The following EFCAB5 variants were observed in gnomAD, a reference collection of about 807,000 sequenced individuals.
EFCAB5 encodes EF-hand calcium binding domain 5.
A neutral mutation model predicts 167.9 loss-of-function variants in EFCAB5; 131 were observed. The observed-to-expected ratio is 0.78, with a 90% confidence interval of 0.68 to 0.90. The LOEUF (loss-of-function observed/expected upper bound fraction) is 0.90, where lower values mean the gene tolerates loss of function less well. Ranked by LOEUF, EFCAB5 falls within the 40% of genes least tolerant of loss-of-function variation. The pLI is 0.00. For synonymous variants in EFCAB5, 574 were observed against 602.8 expected, an observed-to-expected ratio of 0.95 and a Z score of 0.70; for missense variants, 1,663 against 1,745.2, an observed-to-expected ratio of 0.95 and a Z score of 0.84.
chr17:29,998,656 T>A (rs564535773), intron 6 of EFCAB5, among the ~76,000 whole-genome samples: 1 of 152,260 alleles, frequency 6.6e-6, no homozygotes, highest in African/African-American at 2.4e-5. Flanking sequence ...TATATGAAAA[T>A]TTATATAGCC....
Position 29,941,680 on chromosome 17 carries a change from G to A in EFCAB5, c.-117G>A. The A allele has an allele frequency of 1.2e-6, 1 of 852,580 alleles. No homozygotes were observed. Among genetic ancestry groups the A allele is most frequent in the Admixed American group, 2.7e-5 (1 of 36,700 alleles). The allele number at this position is 852,580 out of a possible 1,614,324, so 52.8% of individuals were successfully genotyped here. On this transcript the variant is annotated 5_prime_UTR_variant, in exon 1 of 23. Transcript: ENST00000394835. ...GTGAGGTGAGGGCAGGAGTGAGGGAGCTTTTTTAACTTCTGGAGTACTTTG... is the reference window on the plus strand; with the variant it reads ...GTGAGGTGAGGGCAGGAGTGAGGGAACTTTTTTAACTTCTGGAGTACTTTG...
chr17:30,057,234 G>C (rs1241221602), intron 12 of EFCAB5, among the ~76,000 whole-genome samples: 1 of 152,066 alleles, frequency 6.6e-6, no homozygotes, highest in Non-Finnish European at 1.5e-5. Flanking sequence ...CTGTTTTTCT[G>C]TGTCACTTTC....
chr17:30,082,471 A>T (rs575246635), intron 17 of EFCAB5, among the ~76,000 whole-genome samples: 2 of 146,236 alleles, frequency 1.4e-5, no homozygotes, highest in African/African-American at 5.1e-5. Context: ...GCTCACTGCA[A>T]CCTCCACCTC....
chr17:29,997,737 C>T (rs557768097), intron 6 of EFCAB5, among the ~76,000 whole-genome samples: 1 of 152,178 alleles, frequency 6.6e-6, no homozygotes, highest in African/African-American at 2.4e-5. Context: ...GAATGTCCTG[C>T]AGAAGGGGGA....
intron 7 of EFCAB5, among the ~76,000 whole-genome samples, chr17:30,010,869 A>G (rs1267079001): frequency 1.3e-5 from 2 of 151,992 alleles, no homozygotes; most frequent in African/African-American, 4.8e-5. Context: ...TTTATTCATG[A>G]AGTCCTTGCC....
chr17:30,077,162 C>G (rs1249067513), intron 14 of EFCAB5, among the ~76,000 whole-genome samples: 2 of 151,964 alleles, frequency 1.3e-5, no homozygotes, highest in Non-Finnish European at 2.9e-5. Flanking sequence ...ATTAGCCAGG[C>G]ATAGTGGTGC....
intron 3 of EFCAB5, among the ~76,000 whole-genome samples, chr17:29,961,447 G>GT (rs2067718258): frequency 6.6e-6 from 1 of 152,016 alleles, no homozygotes; most frequent in African/African-American, 2.4e-5. Flanking sequence ...ATGTACAAAA[G>GT]TTTTTTAATT....
chr17:29,980,985 G>A (rs981493485), intron 4 of EFCAB5, among the ~76,000 whole-genome samples: 1 of 152,012 alleles, frequency 6.6e-6, no homozygotes, highest in Admixed American at 6.6e-5. Context: ...TCTTAAATTT[G>A]TTCATTTCTG....
chr17:30,080,956 T>C lies in EFCAB5; in HGVS notation c.3401T>C (p.Leu1134Pro). ...LRDPHEINIF[L>P]PHEIRFYQGV... ...GATCCCCACGAAATAAACATCTTTC[T>C]ACCTCATGAGATCAGATTCTATCAG... The change falls in exon 17 of 23, where the codon CTA (leucine) becomes CCA (proline). Residue 1134 changes from leucine to proline, a missense_variant. Physicochemically the swap from Leu to Pro is moderately conservative, Grantham distance 98. Coordinates refer to ENST00000394835, the MANE Select transcript of EFCAB5 (RefSeq NM_198529.4). The C allele has an allele frequency of 6.2e-7, 1 of 1,613,066 alleles. No homozygotes were observed. Among genetic ancestry groups the C allele is most frequent in the Middle Eastern group, 1.8e-4 (1 of 5,432 alleles).
At chr17:30,041,215 G>GAAGGAAGGAAGA (rs1469076886) in intron 8 of EFCAB5, among the ~76,000 whole-genome samples, 2 of 151,918 alleles carry the variant, frequency 1.3e-5, no homozygotes, top group African/African-American at 2.4e-5. Context: ...AGGAAAGAAG[G>GAAGGAAGGAAGA]AAGGAAGGAA....
In EFCAB5 at chr17:30,078,313, C is replaced by A; in HGVS notation, c.2836C>A (p.Leu946Ile). Residue 946 changes from leucine (L) to isoleucine (I), a missense_variant, in exon 15 of 23, where the codon CTC (leucine) becomes ATC (isoleucine). Leu to Ile is a conservative substitution (Grantham distance 5). Coordinates refer to ENST00000394835, the MANE Select transcript of EFCAB5 (RefSeq NM_198529.4). ...TTACATAGAATTGGTTGTGTCTGAA[C>A]TCAGGGGCAATGAAGACCAAGTTCT... ...QNYIELVVSE[L>I]RGNEDQVLES... is the part of the protein sequence containing the mutation. 2 of 1,613,946 alleles carry A rather than the reference C, an allele frequency of 1.2e-6. No individual in the cohort carries two copies. The highest frequency in any genetic ancestry group is 1.7e-5 in the Admixed American group (1 of 60,016).
chr17:30,019,548 C>T (rs144141806), intron 7 of EFCAB5, among the ~76,000 whole-genome samples: 2,927 of 151,710 alleles, frequency 0.019, 39 homozygotes, highest in Non-Finnish European at 0.03. Flanking sequence ...CTGGTTCAAG[C>T]AATTCTCCAG....
At chr17:29,943,818 A>G (rs2151517660) in intron 3 of EFCAB5, among the ~76,000 whole-genome samples, 169 bp downstream of exon 3, 1 of 152,280 alleles carries the variant, frequency 6.6e-6, no homozygotes, top group African/African-American at 2.4e-5. Context: ...TTCTAAAAAT[A>G]CAAAAAATTA....
In EFCAB5 at chr17:29,986,680, G is replaced by A. The variant is rs573027392; in HGVS notation, c.768-6485G>A. ...TTTTTTTTTTTTGAGACGGAGTCTC[G>A]CTGTCGCCCAGGCTGGAGTGCAGTG... is the stretch of plus-strand genomic sequence containing the variant. On this transcript the variant is annotated intron_variant, in intron 4 of 22. Coordinates refer to ENST00000394835, the MANE Select transcript of EFCAB5 (RefSeq NM_198529.4). Among the ~76,000 whole-genome samples, 25 of 112,016 alleles carry A rather than the reference G, an allele frequency of 2.2e-4. No homozygotes were observed. The East Asian group carries it at 7.0e-3, about 32-fold the overall frequency. The allele number at this position is 112,016 out of a possible 152,430, so 73.5% of individuals were successfully genotyped here.
Position 30,080,958 on chromosome 17 carries a change from C to T in EFCAB5, c.3403C>T (p.Pro1135Ser). 6.2e-7 allele frequency: 1 copy of T among 1,612,908 alleles called. No individual in the cohort carries two copies. The highest frequency in any genetic ancestry group is 8.5e-7 in the Non-Finnish European group (1 of 1,179,792). ...RDPHEINIFL[P>S]HEIRFYQGVA... is the part of the protein sequence containing the mutation. ...TCCCCACGAAATAAACATCTTTCTA[C>T]CTCATGAGATCAGATTCTATCAGGT... The change falls in exon 17 of 23, where the codon CCT becomes TCT. Residue 1135 changes from proline (P) to serine (S), a missense_variant. Transcript: ENST00000394835.
chr17:29,956,513 C>T (rs529172581), intron 3 of EFCAB5, among the ~76,000 whole-genome samples: 2 of 152,352 alleles, frequency 1.3e-5, no homozygotes, highest in East Asian at 1.9e-4. Context: ...AGTTTGGCTG[C>T]TGTGATTGGC....
intron 14 of EFCAB5, among the ~76,000 whole-genome samples, chr17:30,066,482 A>T (rs963951715): frequency 1.3e-5 from 2 of 152,110 alleles, no homozygotes; most frequent in Non-Finnish European, 2.9e-5. Flanking sequence ...TGAAAATAGA[A>T]ACAGAACATA....
chr17:30,023,832 C>G (rs543360199), intron 7 of EFCAB5, among the ~76,000 whole-genome samples: 1 of 152,148 alleles, frequency 6.6e-6, no homozygotes, highest in African/African-American at 2.4e-5. Flanking sequence ...GCTTATCCAC[C>G]ATGATCAAGT....
At chr17:30,097,054 ATATATATTTT>A (rs2071311372) in intron 22 of EFCAB5, among the ~76,000 whole-genome samples, 1 of 62,036 alleles carries the variant, frequency 1.6e-5, no homozygotes, top group African/African-American at 9.7e-5. Context: ...ATATACATAT[ATATATATTTT>A]TTTTTTTTTG....
Sources: allele counts gnomAD v4.1 joint callset (sites outside exome capture counted in the v4.1 genomes callset), GRCh38; gene constraint gnomAD v4.1.1; transcripts MANE v1.5; gene names NCBI Gene and HGNC (gene_info 2026-07-23, HGNC 2026-07-21).